Variants in WWOX observed in about 807,000 individuals in gnomAD.
The protein encoded by WWOX is WW domain-containing oxidoreductase.
A neutral mutation model predicts 46.2 loss-of-function variants in WWOX; 69 were observed. That is an observed-to-expected ratio of 1.49 (90% CI 1.23 to 1.82). The LOEUF is 1.82. Ranked by LOEUF, WWOX falls within the 40% of genes most tolerant of loss-of-function variation. The pLI is 0.00. For synonymous variants in WWOX, 359 were observed against 202.6 expected (o/e 1.77, Z -6.56); for missense variants, 919 against 542.6 (o/e 1.69, Z -6.89).
intron 8 of WWOX, among the ~76,000 whole-genome samples, chr16:78,448,343 C>T (rs1190552101): frequency 2.0e-5 from 3 of 152,122 alleles, no homozygotes; most frequent in African/African-American, 7.2e-5. Context: ...CAAGTTACCT[C>T]AATATTTAGC....
intron 8 of WWOX, among the ~76,000 whole-genome samples, chr16:78,867,522 G>GTTTTTT (rs2044031494): frequency 6.6e-6 from 1 of 151,024 alleles, no homozygotes; most frequent in African/African-American, 2.4e-5. Flanking sequence ...ATGTGTGTGT[G>GTTTTTT]TTTTGTTTTT....
At chr16:78,861,133 C>G (rs2043875588) in intron 8 of WWOX, among the ~76,000 whole-genome samples, 2 of 151,290 alleles carry the variant, frequency 1.3e-5, no homozygotes, top group African/African-American at 4.9e-5. Flanking sequence ...GAGGTCCTGT[C>G]TGCCTGCCTG....
chr16:78,465,339 G>T (rs2084049715), intron 8 of WWOX, among the ~76,000 whole-genome samples: 1 of 152,214 alleles, frequency 6.6e-6, no homozygotes, highest in South Asian at 2.1e-4. Context: ...GGGAGGATTT[G>T]TCTTTTGCTA....
chr16:78,802,176 G>C (rs531376806), intron 8 of WWOX, among the ~76,000 whole-genome samples: 1 of 142,676 alleles, frequency 7.0e-6, no homozygotes, highest in African/African-American at 2.6e-5. Flanking sequence ...AAAGAGCGAA[G>C]TTTGTTTTAT....
chr16:79,125,095 C>G (rs1021158614), intron 8 of WWOX, among the ~76,000 whole-genome samples: 2 of 150,222 alleles, frequency 1.3e-5, no homozygotes, highest in African/African-American at 4.9e-5. Flanking sequence ...ATATGCAGAT[C>G]CTGCTAGAGA....
intron 8 of WWOX, among the ~76,000 whole-genome samples, chr16:78,495,285 C>T (rs956385843): frequency 1.5e-4 from 23 of 151,448 alleles, no homozygotes; most frequent in East Asian, 3.9e-4. Flanking sequence ...GGATTACAGG[C>T]GCCCGCCACC....
rs113762674 is a variant in WWOX, at chr16:78,840,557, T to C, written c.1057-371051T>C. On this transcript the variant is annotated intron_variant, in intron 8 of 8. Coordinates refer to ENST00000566780, the MANE Select transcript of WWOX (RefSeq NM_016373.4). ...CATTGTTTATGTCAGCATTAAGCAG[T>C]ATTGTTACACAGTTTGTAAGTCTTA... Among the ~76,000 whole-genome samples the C allele has an allele frequency of 2.6e-5, 4 of 152,326 alleles. No individual in the cohort carries two copies. The South Asian group carries it at 8.3e-4, about 32-fold the overall frequency.
intron 8 of WWOX, among the ~76,000 whole-genome samples, chr16:79,063,664 C>T (rs2048392949): frequency 6.6e-6 from 1 of 152,174 alleles, no homozygotes; most frequent in African/African-American, 2.4e-5. Flanking sequence ...GATGTTTTTC[C>T]TTCTCTTTTG....
At chr16:78,896,877 A>G (rs2044712558) in intron 8 of WWOX, 1 of 152,014 alleles carries the variant, frequency 6.6e-6, no homozygotes, top group African/African-American at 2.4e-5. Flanking sequence ...AGTTCTCTGG[A>G]TTTTGAAAAA....
intron 8 of WWOX, among the ~76,000 whole-genome samples, chr16:78,784,759 A>AC (rs1264874649): frequency 5.9e-5 from 9 of 152,180 alleles, no homozygotes; most frequent in African/African-American, 1.9e-4. Context: ...GGAAGAGAGC[A>AC]CAGTGACTGC....
intron 6 of WWOX, among the ~76,000 whole-genome samples, chr16:78,395,659 C>T (rs1310979172): frequency 6.6e-6 from 1 of 152,152 alleles, no homozygotes; most frequent in Non-Finnish European, 1.5e-5. Flanking sequence ...TCTAGGGTGA[C>T]AAGAGCCAAG....
intron 8 of WWOX, among the ~76,000 whole-genome samples, chr16:79,187,607 A>T (rs367866403): frequency 6.6e-6 from 1 of 152,150 alleles, no homozygotes; most frequent in Non-Finnish European, 1.5e-5. Flanking sequence ...GGGTTTCACC[A>T]TGTTGGCCAG....
intron 8 of WWOX, among the ~76,000 whole-genome samples, chr16:78,649,800 T>A (rs2046925510): frequency 6.6e-6 from 1 of 152,206 alleles, no homozygotes; most frequent in South Asian, 2.1e-4. Flanking sequence ...ACTTAAATAC[T>A]CAAAGCCTTG....
At position 78,112,598 on chromosome 16, in the gene WWOX, C is replaced by G. The variant is rs549311997; in HGVS notation, c.231-2378C>G. On this transcript the variant is annotated intron_variant, in intron 3 of 8. Coordinates refer to ENST00000566780, the MANE Select transcript of WWOX (RefSeq NM_016373.4). ...TATTATTTGTTAAAAGGCTTTTTGC[C>G]TAACTTGTGAAAGTTTTTTTTCCTC... Among the ~76,000 whole-genome samples, 5 of 151,406 alleles carry G rather than the reference C, an allele frequency of 3.3e-5. No individual in the cohort carries two copies. The South Asian group carries it at 1.0e-3, about 32-fold the overall frequency.
At chr16:78,489,447 G>C (rs1168370984) in intron 8 of WWOX, among the ~76,000 whole-genome samples, 1 of 152,044 alleles carries the variant, frequency 6.6e-6, no homozygotes, top group Non-Finnish European at 1.5e-5. Context: ...TGTCTTTTGA[G>C]AGAAAACAGC....
chr16:79,019,875 G>A (rs1049826089), intron 8 of WWOX, among the ~76,000 whole-genome samples: 3 of 152,068 alleles, frequency 2.0e-5, no homozygotes, highest in Non-Finnish European at 4.4e-5. Context: ...GCAACCCCTC[G>A]GATCCTCAAT....
chr16:78,524,184 G>A (rs1001068435), intron 8 of WWOX, among the ~76,000 whole-genome samples: 1 of 152,108 alleles, frequency 6.6e-6, no homozygotes, highest in Non-Finnish European at 1.5e-5. Context: ...TCTTTATAAA[G>A]TAAACATTTT....
At chr16:78,553,450 G>A (rs1365187284) in intron 8 of WWOX, among the ~76,000 whole-genome samples, 1 of 152,056 alleles carries the variant, frequency 6.6e-6, no homozygotes, top group Admixed American at 6.6e-5. Flanking sequence ...GTAGGTGGGT[G>A]TGGCCTGGAG....
intron 8 of WWOX, among the ~76,000 whole-genome samples, chr16:78,503,095 T>G (rs2085110250): frequency 6.6e-6 from 1 of 152,174 alleles, no homozygotes; most frequent in Non-Finnish European, 1.5e-5. Context: ...GCTGACTGTT[T>G]TTGAGATTTA....
Sources: allele counts gnomAD v4.1 joint callset (sites outside exome capture counted in the v4.1 genomes callset), GRCh38; gene constraint gnomAD v4.1.1; transcripts MANE v1.5; gene names NCBI Gene and HGNC (gene_info 2026-07-23, HGNC 2026-07-21).